SLCO6A1: variants seen among roughly 807,000 people sequenced by gnomAD.
The protein encoded by SLCO6A1 is cancer/testis antigen 48.
SLCO6A1 carries 65 observed loss-of-function variants against 72.7 expected under a neutral mutation model. The observed-to-expected ratio is 0.89, with a 90% CI of 0.73 to 1.10. SLCO6A1 has a LOEUF of 1.10. SLCO6A1 is among the 50% of genes least tolerant of loss of function. The probability of loss-of-function intolerance (pLI) is 0.00; values close to 1 mark genes in which losing one functional copy is unlikely to be tolerated. For missense variants in SLCO6A1, 874 were observed against 872.6 expected (o/e 1.00, Z -0.02); for synonymous variants, 314 against 298.2 (o/e 1.05, Z -0.55).
chr5:102,457,189 T>G (rs900896369), intron 6 of SLCO6A1, among the ~76,000 whole-genome samples: 4 of 152,142 alleles, frequency 2.6e-5, no homozygotes, highest in Non-Finnish European at 5.9e-5. Flanking sequence ...AACATAGGCA[T>G]GGGCAAGGAC....
chr5:102,391,490 TCTTCTGGCTACTGATTGGGACA>T (rs1349259179), intron 10 of SLCO6A1, among the ~76,000 whole-genome samples: 2 of 152,134 alleles, frequency 1.3e-5, no homozygotes, highest in Non-Finnish European at 2.9e-5. Flanking sequence ...GGCTCTCTTG[TCTTCTGGCTACTGATTGGGACA>T]CTTCTGAATG....
chr5:102,417,242 C>T (rs1748332425), intron 8 of SLCO6A1, among the ~76,000 whole-genome samples: 2 of 151,660 alleles, frequency 1.3e-5, no homozygotes, highest in African/African-American at 4.8e-5. Flanking sequence ...ATTTGAAATG[C>T]ATTTATAAAA....
chr5:102,389,940 A>G (rs1746658036), intron 11 of SLCO6A1, among the ~76,000 whole-genome samples: 1 of 152,028 alleles, frequency 6.6e-6, no homozygotes, highest in Non-Finnish European at 1.5e-5. Flanking sequence ...CAGTCTTGTT[A>G]TATTGCCAAG....
intron 7 of SLCO6A1, among the ~76,000 whole-genome samples, chr5:102,432,341 A>G (rs6596490): frequency 0.64 from 96,728 of 151,924 alleles, 30,971 homozygotes; most frequent in African/African-American, 0.66. Flanking sequence ...AATGGTTTGC[A>G]TACTTAAGTG....
At chr5:102,433,089 G>A (rs1749307194) in intron 7 of SLCO6A1, among the ~76,000 whole-genome samples, 1 of 152,082 alleles carries the variant, frequency 6.6e-6, no homozygotes, top group South Asian at 2.1e-4. Flanking sequence ...ATTGCATTAT[G>A]AAATTCTCAT....
chr5:102,399,381 T>G (rs1455021994), intron 10 of SLCO6A1, among the ~76,000 whole-genome samples, 174 bp downstream of exon 10: 1 of 152,106 alleles, frequency 6.6e-6, no homozygotes, highest in African/African-American at 2.4e-5. Flanking sequence ...TGCAAATAAG[T>G]TAGCTAAAAG....
chr5:102,426,322 G>C (rs193140160), intron 7 of SLCO6A1, among the ~76,000 whole-genome samples: 1 of 152,252 alleles, frequency 6.6e-6, no homozygotes, highest in Admixed American at 6.5e-5. Flanking sequence ...TATCATCAGA[G>C]TGAATGGGCA....
intron 6 of SLCO6A1, among the ~76,000 whole-genome samples, chr5:102,453,670 C>T (rs1750553603): frequency 6.6e-6 from 1 of 152,160 alleles, no homozygotes; most frequent in African/African-American, 2.4e-5. Context: ...ATTCTATCTT[C>T]CTAGGAGTAT....
At chr5:102,396,523 T>C (rs964072534) in intron 10 of SLCO6A1, among the ~76,000 whole-genome samples, 4 of 152,204 alleles carry the variant, frequency 2.6e-5, no homozygotes, top group Non-Finnish European at 4.4e-5. Context: ...GGTATTTTCA[T>C]TATCATGTTA....
At chr5:102,467,994 G>T (rs1751395280) in intron 4 of SLCO6A1, among the ~76,000 whole-genome samples, 2 of 151,982 alleles carry the variant, frequency 1.3e-5, no homozygotes, top group Admixed American at 1.3e-4. Context: ...TTTTAGCATT[G>T]CTTTTGCTGT....
chr5:102,414,917 A>T lies in SLCO6A1; in HGVS notation c.1473-1774T>A, dbSNP rs184757417. On this transcript the variant is annotated intron_variant, in intron 8 of 13. Coordinates refer to ENST00000506729, the MANE Select transcript of SLCO6A1 (RefSeq NM_173488.5). ...TCTCAAAGTAAGTAAGTAAATAAAT[A>T]AATAAATAAATAAATAAATAAATTA... Among the ~76,000 whole-genome samples, 533 of 149,968 alleles carry T rather than the reference A, an allele frequency of 3.6e-3. 3 individuals carry two copies. Among genetic ancestry groups the T allele is most frequent in the African/African-American group, 0.012 (514 of 41,306 alleles).
chr5:102,487,676 C>T (rs547172000), intron 1 of SLCO6A1, among the ~76,000 whole-genome samples: 4 of 152,260 alleles, frequency 2.6e-5, no homozygotes, highest in South Asian at 4.1e-4. Context: ...CAGAACCAGC[C>T]GCATCAAATA....
intron 10 of SLCO6A1, among the ~76,000 whole-genome samples, chr5:102,398,635 T>C (rs2112546046): frequency 6.6e-6 from 1 of 152,278 alleles, no homozygotes; most frequent in South Asian, 2.1e-4. Flanking sequence ...GTACACAGAA[T>C]AGCAACATTC....
chr5:102,438,546 C>A, intron 7 of SLCO6A1, 71 bp downstream of exon 7: 1 of 1,199,140 alleles, frequency 8.3e-7, no homozygotes, highest in Non-Finnish European at 1.1e-6. Flanking sequence ...TTATTTATTT[C>A]AAGTATTTCA....
chr5:102,380,692 A>G (rs1045165321), intron 12 of SLCO6A1, among the ~76,000 whole-genome samples: 8 of 152,074 alleles, frequency 5.3e-5, no homozygotes, highest in Middle Eastern at 3.2e-3. Flanking sequence ...AAATGTGATC[A>G]TTAAAGATGT....
intron 6 of SLCO6A1, among the ~76,000 whole-genome samples, chr5:102,440,185 G>A (rs1046036760): frequency 1.1e-4 from 16 of 152,210 alleles, no homozygotes; most frequent in African/African-American, 3.9e-4. Context: ...GCCTTCAGAT[G>A]GTTCCATTCT....
At chr5:102,389,602 C>T (rs1746632760) in intron 11 of SLCO6A1, among the ~76,000 whole-genome samples, 1 of 148,682 alleles carries the variant, frequency 6.7e-6, no homozygotes, top group East Asian at 2.0e-4. Flanking sequence ...TATCTAGATT[C>T]GCTCCTCTTG....
chr5:102,441,236 AT>A (rs1173877155), intron 6 of SLCO6A1, among the ~76,000 whole-genome samples: 3 of 152,128 alleles, frequency 2.0e-5, no homozygotes, highest in African/African-American at 7.2e-5. Context: ...ATCTAATCAC[AT>A]TTTATTAACC....
At chr5:102,376,040 T>A (rs1004295660) in intron 12 of SLCO6A1, among the ~76,000 whole-genome samples, 6 of 152,112 alleles carry the variant, frequency 3.9e-5, no homozygotes, top group African/African-American at 1.4e-4. Flanking sequence ...GAGAAAATCT[T>A]GAATAAAATC....
Sources: gnomAD v4.1 joint callset for allele counts (sites outside exome capture counted in the v4.1 genomes callset) on GRCh38, gnomAD v4.1.1 for gene constraint, MANE v1.5 for transcripts, NCBI Gene and HGNC (gene_info 2026-07-23, HGNC 2026-07-21) for gene names.